The following SNX24 variants were observed in gnomAD, a reference collection of about 807,000 sequenced individuals.
SNX24 encodes sorting nexin-24.
Under a neutral mutation model 28.7 loss-of-function variants are expected in SNX24, and 22 were observed. The observed-to-expected ratio is 0.77, with a 90% CI of 0.55 to 1.10. The LOEUF is 1.10. Among genes scored for constraint, SNX24 ranks in the 50% least tolerant of loss-of-function variants. The pLI, the probability that SNX24 is intolerant of heterozygous loss-of-function variation, is 0.00. For synonymous variants in SNX24, 69 were observed against 71.5 expected, an observed-to-expected ratio of 0.96 and a Z score of 0.18; for missense variants, 221 against 201.1, an observed-to-expected ratio of 1.10 and a Z score of -0.60.
intron 1 of SNX24, among the ~76,000 whole-genome samples, chr5:122,924,699 C>A (rs904149935): frequency 6.6e-6 from 1 of 152,068 alleles, no homozygotes; most frequent in Non-Finnish European, 1.5e-5. Flanking sequence ...GTTTTATATA[C>A]CTTGTCGTAT....
intron 1 of SNX24, among the ~76,000 whole-genome samples, chr5:122,921,983 C>G (rs912181862): frequency 2.0e-5 from 3 of 151,762 alleles, no homozygotes; most frequent in African/African-American, 7.3e-5. Context: ...TGTCCTTTTT[C>G]TCTCTCTCTC....
intron 1 of SNX24, among the ~76,000 whole-genome samples, chr5:122,896,478 C>G (rs543865360): frequency 4.6e-5 from 7 of 152,202 alleles, no homozygotes; most frequent in Non-Finnish European, 1.0e-4. Context: ...TACCATGTTG[C>G]CTTTGGTGGC....
chr5:122,960,885 A>G (rs757502250), intron 3 of SNX24, among the ~76,000 whole-genome samples: 1 of 152,248 alleles, frequency 6.6e-6, no homozygotes, highest in Non-Finnish European at 1.5e-5. Context: ...GGTTAAGTTT[A>G]GAACAGTATC....
chr5:123,007,292 G>A (rs1291578929), intron 6 of SNX24, among the ~76,000 whole-genome samples: 3 of 152,196 alleles, frequency 2.0e-5, no homozygotes, highest in Non-Finnish European at 2.9e-5. Flanking sequence ...ACTGCAGTGA[G>A]GTATTCCCAG....
chr5:122,968,805 T>C (rs987862571), intron 3 of SNX24, among the ~76,000 whole-genome samples: 19 of 152,126 alleles, frequency 1.2e-4, no homozygotes, highest in African/African-American at 4.1e-4. Context: ...TTTGTACCAG[T>C]AATAGATACA....
intron 1 of SNX24, among the ~76,000 whole-genome samples, chr5:122,869,839 TAA>T (rs373145126): frequency 1.3e-5 from 2 of 152,118 alleles, no homozygotes; most frequent in African/African-American, 2.4e-5. Flanking sequence ...AGTAATGGAC[TAA>T]GTCTTACCTA....
intron 1 of SNX24, among the ~76,000 whole-genome samples, chr5:122,870,552 A>G (rs766025885): frequency 1.9e-4 from 29 of 152,358 alleles, no homozygotes; most frequent in Admixed American, 4.6e-4. Flanking sequence ...AAAAGTAGTG[A>G]CAGTTAAAAA....
At chr5:122,878,027 T>C (rs990459995) in intron 1 of SNX24, among the ~76,000 whole-genome samples, 2 of 152,032 alleles carry the variant, frequency 1.3e-5, no homozygotes, top group African/African-American at 4.8e-5. Context: ...AGGGAGCAAG[T>C]TGTTGAGGAA....
intron 5 of SNX24, among the ~76,000 whole-genome samples, chr5:123,017,428 GTT>G (rs11341488): frequency 0.018 from 2,419 of 134,402 alleles, 36 homozygotes; most frequent in African/African-American, 0.021. Context: ...ATAAAAAGTT[GTT>G]TTTTTTTTTT....
At chr5:122,949,835 A>T (rs1421856501) in intron 3 of SNX24, among the ~76,000 whole-genome samples, 1 of 152,230 alleles carries the variant, frequency 6.6e-6, no homozygotes, top group African/African-American at 2.4e-5. Flanking sequence ...CTAGCTGAAT[A>T]TCCAAGTACG....
At position 122,897,666 on chromosome 5, in the gene SNX24, A is replaced by C. The variant is rs1964540; in HGVS notation, c.61-39068A>C. Among the ~76,000 whole-genome samples the C allele has an allele frequency of 6.3e-4, 96 of 152,370 alleles. 3 individuals are homozygous for C. In the East Asian group the frequency reaches 0.014, roughly 23 times the overall value. ...AATGAATATGTGTGTGTGCACACAG[A>C]TGCGCGTTTGCCAGCTGAGGACTTT... On this transcript the variant is annotated intron_variant, in intron 1 of 6. Coordinates refer to ENST00000261369, the MANE Select transcript of SNX24 (RefSeq NM_014035.4).
intron 1 of SNX24, among the ~76,000 whole-genome samples, chr5:122,921,413 T>C (rs573049677): frequency 5.3e-5 from 8 of 152,228 alleles, no homozygotes; most frequent in Non-Finnish European, 1.0e-4. Flanking sequence ...GTTCCTTATC[T>C]TGTGAACCAT....
intron 3 of SNX24, among the ~76,000 whole-genome samples, chr5:122,968,468 C>A (rs1165278288): frequency 6.6e-6 from 1 of 152,172 alleles, no homozygotes; most frequent in East Asian, 1.9e-4. Flanking sequence ...TCCCATTGTT[C>A]TGTAAAGAAC....
chr5:122,980,578 A>G (rs975961593), intron 3 of SNX24, among the ~76,000 whole-genome samples: 2 of 151,782 alleles, frequency 1.3e-5, no homozygotes, highest in Non-Finnish European at 2.9e-5. Context: ...TAGAAAACTC[A>G]ACTAATTTCT....
At chr5:123,023,987 A>G (rs779262149) in intron 5 of SNX24, 9 of 1,613,320 alleles carry the variant, frequency 5.6e-6, no homozygotes, top group East Asian at 2.2e-5. Context: ...TTGGAGCTCT[A>G]TGGAGTGCAC....
At chr5:122,946,478 T>C (rs1332691887) in intron 3 of SNX24, among the ~76,000 whole-genome samples, 1 of 152,210 alleles carries the variant, frequency 6.6e-6, no homozygotes, top group Non-Finnish European at 1.5e-5. Flanking sequence ...AGATTTTTTT[T>C]TGCTTCTTTA....
intron 1 of SNX24, among the ~76,000 whole-genome samples, chr5:122,886,976 AAGTTATTTTAACAAAT>A (rs1756746951): frequency 6.6e-6 from 1 of 152,208 alleles, no homozygotes; most frequent in Non-Finnish European, 1.5e-5. Context: ...AATTTAAAAA[AAGTTATTTTAACAAAT>A]AATTTATTCA....
intron 1 of SNX24, among the ~76,000 whole-genome samples, chr5:122,875,030 G>C (rs1347669905): frequency 6.6e-6 from 1 of 152,156 alleles, no homozygotes; most frequent in Non-Finnish European, 1.5e-5. Flanking sequence ...TATGGGATAT[G>C]ATTTATGATC....
At chr5:122,998,752 A>T (rs1762139178) in intron 3 of SNX24, among the ~76,000 whole-genome samples, 1 of 152,240 alleles carries the variant, frequency 6.6e-6, no homozygotes, top group African/African-American at 2.4e-5. Context: ...GGGGCCACTC[A>T]GTATGTGAAC....
Sources: allele counts gnomAD v4.1 joint callset (sites outside exome capture counted in the v4.1 genomes callset), GRCh38; gene constraint gnomAD v4.1.1; transcripts MANE v1.5; gene names NCBI Gene and HGNC (gene_info 2026-07-23, HGNC 2026-07-21).